The following MTUS1 variants were observed in gnomAD, a reference collection of about 807,000 sequenced individuals.
MTUS1 encodes the protein microtubule-associated tumor suppressor 1.
A neutral mutation model predicts 120.8 loss-of-function variants in MTUS1; 109 were observed. The observed-to-expected ratio is 0.90, with a 90% CI of 0.77 to 1.06. The LOEUF (loss-of-function observed/expected upper bound fraction) is 1.06, where lower values mean the gene tolerates loss of function less well. Among genes scored for constraint, MTUS1 ranks in the 50% least tolerant of loss-of-function variants. MTUS1 has a pLI of 0.00. For synonymous variants in MTUS1, 737 were observed against 550.5 expected (o/e 1.34, Z -4.74); for missense variants, 2,210 against 1,486.3 (o/e 1.49, Z -8.01).
chr8:17,705,077 G>C (rs1365328235), intron 6 of MTUS1, among the ~76,000 whole-genome samples: 1 of 152,112 alleles, frequency 6.6e-6, no homozygotes, highest in Admixed American at 6.5e-5. Context: ...TCTGCCTCCT[G>C]GGTTCAACGA....
At chr8:17,787,333 C>G (rs568803417) in intron 1 of MTUS1, among the ~76,000 whole-genome samples, 1 of 152,340 alleles carries the variant, frequency 6.6e-6, no homozygotes, top group South Asian at 2.1e-4. Context: ...ACATGACAGT[C>G]ACATTCCCCC....
chr8:17,646,222 A>C, intron 14 of MTUS1, 83 bp from the exon 15 acceptor site: 1 of 1,368,114 alleles, frequency 7.3e-7, no homozygotes, highest in Non-Finnish European at 9.7e-7. Flanking sequence ...TTGAAACTTT[A>C]AAGTCCAAAA....
At chr8:17,777,956 T>C (rs1299159383) in intron 1 of MTUS1, among the ~76,000 whole-genome samples, 4 of 152,212 alleles carry the variant, frequency 2.6e-5, no homozygotes, top group Non-Finnish European at 5.9e-5. Flanking sequence ...AATATTTTTG[T>C]GTTTTATGAT....
chr8:17,726,482 G>C (rs139680353), intron 3 of MTUS1, among the ~76,000 whole-genome samples: 1 of 152,204 alleles, frequency 6.6e-6, no homozygotes, highest in African/African-American at 2.4e-5. Flanking sequence ...CTAGCATGGA[G>C]TGAGACTTAA....
At chr8:17,649,996 CCA>C (rs1157842003) in intron 12 of MTUS1, 34 bp from the exon 13 acceptor site, 1 of 1,059,426 alleles carries the variant, frequency 9.4e-7, no homozygotes, top group East Asian at 2.4e-5. Context: ...TGCTCTTATT[CCA>C]CATAGTTCAA....
intron 3 of MTUS1, among the ~76,000 whole-genome samples, chr8:17,741,032 A>AT (rs566605178): frequency 8.4e-4 from 126 of 149,354 alleles, no homozygotes; most frequent in Non-Finnish European, 1.3e-3. Flanking sequence ...CCCTTGGCTA[A>AT]TTTTTTTTTT....
chr8:17,669,010 CATTG>C (rs1400653153), intron 8 of MTUS1, among the ~76,000 whole-genome samples: 4 of 152,182 alleles, frequency 2.6e-5, no homozygotes. Flanking sequence ...TAAAATCATT[CATTG>C]ATTGAAGTCT....
intron 1 of MTUS1, among the ~76,000 whole-genome samples, chr8:17,769,410 C>T (rs111503668): frequency 2.7e-4 from 40 of 148,316 alleles, no homozygotes; most frequent in African/African-American, 8.0e-4. Flanking sequence ...TGCAGTGGCG[C>T]GATCTCGGCT....
At chr8:17,750,160 C>T (rs1205389330) in intron 2 of MTUS1, among the ~76,000 whole-genome samples, 2 of 152,184 alleles carry the variant, frequency 1.3e-5, no homozygotes, top group African/African-American at 2.4e-5. Context: ...CGATGGCAGT[C>T]GAATTCATAC....
chr8:17,668,896 G>A (rs77673363), intron 8 of MTUS1, among the ~76,000 whole-genome samples: 1,671 of 152,272 alleles, frequency 0.011, 19 homozygotes, highest in Non-Finnish European at 0.019. Flanking sequence ...GTTTGTCATA[G>A]AAATGTTAAA....
chr8:17,651,143 G>T (rs1349203359), intron 12 of MTUS1, among the ~76,000 whole-genome samples: 1 of 151,042 alleles, frequency 6.6e-6, no homozygotes, highest in East Asian at 2.0e-4. Context: ...TTAATTCTAG[G>T]TTCTTTAGAT....
Position 17,647,031 on chromosome 8 carries a change from C to T in MTUS1, c.3550G>A (p.Glu1184Lys). The T allele has an allele frequency of 1.2e-6, 2 of 1,614,026 alleles. No homozygotes were observed. Among genetic ancestry groups the T allele is most frequent in the Non-Finnish European group, 1.7e-6 (2 of 1,179,998 alleles). ...ATCCGAGCTTTCAATTCTTCATTCT[C>T]CTGCTGGAAACGCTTCAATTTGTCA... ...LVDKLKRFQQ[E>K]NEELKARMDK... The change falls in exon 14 of 15, where the codon GAG becomes AAG. Residue 1184 changes from glutamate to lysine, a missense_variant. Transcript: ENST00000693296.
At chr8:17,756,365 G>A (rs546408022) in intron 1 of MTUS1, among the ~76,000 whole-genome samples, 22 of 152,216 alleles carry the variant, frequency 1.4e-4, no homozygotes, top group Admixed American at 3.9e-4. Context: ...TGTTGTCCCA[G>A]GATGATTAGT....
intron 1 of MTUS1, among the ~76,000 whole-genome samples, chr8:17,768,299 C>G (rs1268473221): frequency 2.0e-5 from 3 of 152,052 alleles, no homozygotes; most frequent in Non-Finnish European, 2.9e-5. Flanking sequence ...TCAGGATTTT[C>G]CAGGGTCTTG....
chr8:17,680,542 T>G (rs1814218181), intron 7 of MTUS1, among the ~76,000 whole-genome samples: 1 of 146,868 alleles, frequency 6.8e-6, no homozygotes, highest in African/African-American at 2.5e-5. Flanking sequence ...TCCTTGGCTG[T>G]CAGGACCTAA....
chr8:17,702,875 G>C (rs1819378437), intron 6 of MTUS1, among the ~76,000 whole-genome samples: 1 of 152,210 alleles, frequency 6.6e-6, no homozygotes, highest in Admixed American at 6.5e-5. Flanking sequence ...AGCCACGGCA[G>C]AGGAAACATA....
chr8:17,754,014 T>C lies in MTUS1; in HGVS notation c.1794A>G (p.Ser598=). The C allele has an allele frequency of 6.2e-7, 1 of 1,614,230 alleles. No homozygotes were observed. The highest frequency in any genetic ancestry group is 1.1e-5 in the South Asian group (1 of 91,086). The change falls in exon 2 of 15, where the codon TCA becomes TCG. Residue 598 remains serine, a synonymous_variant. Transcript: ENST00000693296. The part of the protein sequence containing the change: ...VHVTTHSKNA[S]HRVPRTTSAV... ...CAGATGTTGTTCTTGGAACCCTGTGTGAAGCATTTTTAGAATGAGTTGTAA... is the reference window on the plus strand; with the variant it reads ...CAGATGTTGTTCTTGGAACCCTGTGCGAAGCATTTTTAGAATGAGTTGTAA...
At chr8:17,753,691 G>A (rs772324037) in intron 2 of MTUS1, 26 bp downstream of exon 2, 15 of 1,469,074 alleles carry the variant, frequency 1.0e-5, no homozygotes, top group Middle Eastern at 2.0e-4. Flanking sequence ...TCTGAAGCAT[G>A]CAAAAAATAT....
chr8:17,698,249 C>A (rs1490440767), intron 6 of MTUS1, among the ~76,000 whole-genome samples: 1 of 152,156 alleles, frequency 6.6e-6, no homozygotes, highest in Non-Finnish European at 1.5e-5. Flanking sequence ...ATTTATAGAA[C>A]ATCATGTGGT....
Sources: gnomAD v4.1 joint callset for allele counts (sites outside exome capture counted in the v4.1 genomes callset) on GRCh38, gnomAD v4.1.1 for gene constraint, MANE v1.5 for transcripts, NCBI Gene and HGNC (gene_info 2026-07-23, HGNC 2026-07-21) for gene names.